ZSWIM5: variants seen among roughly 807,000 people sequenced by gnomAD.
ZSWIM5 encodes zinc finger SWIM domain-containing protein 5.
In ZSWIM5, 55 loss-of-function variants were observed where a neutral mutation model predicts 119.6. That is an observed-to-expected ratio of 0.46 (90% CI 0.37 to 0.58). ZSWIM5 has a LOEUF of 0.58. ZSWIM5 is among the 20% of genes least tolerant of loss of function. The pLI, the probability that ZSWIM5 is intolerant of heterozygous loss-of-function variation, is 0.00. For missense variants in ZSWIM5, 1,193 were observed against 1,512.8 expected (o/e 0.79, Z 3.51); for synonymous variants, 537 against 606.9 (o/e 0.88, Z 1.69).
chr1:45,034,497 C>T lies in ZSWIM5; in HGVS notation c.2292-28G>A, dbSNP rs753693394. Reference sequence around the variant, plus strand: ...GGAAGACCCAGGAAGAATCATCAGCCACCATCCAGACCCTGGGCTTCCGAG... The same window carrying T: ...GGAAGACCCAGGAAGAATCATCAGCTACCATCCAGACCCTGGGCTTCCGAG... On this transcript the variant is annotated intron_variant, in intron 10 of 13. Coordinates refer to ENST00000359600, the MANE Select transcript of ZSWIM5 (RefSeq NM_020883.2). 4 of 1,581,130 alleles carry T rather than the reference C, an allele frequency of 2.5e-6. No homozygotes were observed. In the African/African-American group the frequency reaches 4.0e-5, roughly 16 times the overall value.
At chr1:45,196,727 A>C (rs1646128098) in intron 1 of ZSWIM5, among the ~76,000 whole-genome samples, 1 of 152,104 alleles carries the variant, frequency 6.6e-6, no homozygotes, top group Non-Finnish European at 1.5e-5. Context: ...CAAATTTTTG[A>C]GGTACAATTT....
At chr1:45,199,142 T>C (rs749420631) in intron 1 of ZSWIM5, among the ~76,000 whole-genome samples, 5 of 152,162 alleles carry the variant, frequency 3.3e-5, no homozygotes, top group Non-Finnish European at 5.9e-5. Flanking sequence ...TTTTTTTTCT[T>C]TAACCATTTT....
intron 1 of ZSWIM5, among the ~76,000 whole-genome samples, chr1:45,175,971 T>C (rs977953149): frequency 6.6e-6 from 1 of 151,836 alleles, no homozygotes; most frequent in Non-Finnish European, 1.5e-5. Flanking sequence ...TCAAGGCTCA[T>C]TTGATACTTT....
At chr1:45,092,698 A>T (rs376135323) in intron 1 of ZSWIM5, among the ~76,000 whole-genome samples, 2 of 152,124 alleles carry the variant, frequency 1.3e-5, no homozygotes, top group South Asian at 2.1e-4. Flanking sequence ...TAATTTGTAG[A>T]TGTGGTTAAT....
At chr1:45,133,639 G>C (rs1309007061) in intron 1 of ZSWIM5, among the ~76,000 whole-genome samples, 170 of 151,890 alleles carry the variant, frequency 1.1e-3, no homozygotes, top group African/African-American at 1.3e-3. Flanking sequence ...TCAATTTTGG[G>C]TTTTGTTGCC....
At chr1:45,179,145 T>C (rs1202349653) in intron 1 of ZSWIM5, among the ~76,000 whole-genome samples, 1 of 152,080 alleles carries the variant, frequency 6.6e-6, no homozygotes, top group Admixed American at 6.6e-5. Flanking sequence ...CACATACGTG[T>C]ACCTGTATAT....
intron 4 of ZSWIM5, among the ~76,000 whole-genome samples, chr1:45,052,134 C>T (rs1171498801): frequency 6.6e-6 from 1 of 151,488 alleles, no homozygotes; most frequent in Non-Finnish European, 1.5e-5. Context: ...CCCCCCCTCG[C>T]ACCCCACCCC....
intron 5 of ZSWIM5, among the ~76,000 whole-genome samples, chr1:45,047,017 C>CAAAAA (rs35174853): frequency 1.1e-5 from 1 of 92,796 alleles, no homozygotes. Context: ...AACTCTGTCT[C>CAAAAA]AAAAAAAAAA....
In ZSWIM5 at chr1:45,033,828, A is replaced by G. The variant is rs142398025; in HGVS notation, c.2449+484T>C. On this transcript the variant is annotated intron_variant, in intron 11 of 13. Coordinates refer to ENST00000359600, the MANE Select transcript of ZSWIM5 (RefSeq NM_020883.2). ...AATTTTACATATTTGGTATCCTACA[A>G]TTAGTAACTAGGGTAAAGTTTTGGC... Among the ~76,000 whole-genome samples, 6 of 152,076 alleles carry G rather than the reference A, an allele frequency of 3.9e-5. No homozygotes were observed. The East Asian group carries it at 9.7e-4, about 25-fold the overall frequency.
intron 1 of ZSWIM5, among the ~76,000 whole-genome samples, chr1:45,177,080 G>A (rs1207669282): frequency 6.6e-6 from 1 of 152,076 alleles, no homozygotes; most frequent in Non-Finnish European, 1.5e-5. Flanking sequence ...AAGGATTCAG[G>A]AACTAGAGAG....
intron 1 of ZSWIM5, among the ~76,000 whole-genome samples, chr1:45,091,269 T>G (rs1353153208): frequency 6.6e-6 from 1 of 152,112 alleles, no homozygotes; most frequent in Non-Finnish European, 1.5e-5. Flanking sequence ...AGTACATTGT[T>G]GAGAAATGAC....
intron 4 of ZSWIM5, among the ~76,000 whole-genome samples, chr1:45,054,954 T>C (rs1024451906): frequency 6.6e-6 from 1 of 152,160 alleles, no homozygotes; most frequent in Non-Finnish European, 1.5e-5. Flanking sequence ...GCCTCCTAAG[T>C]AACTGGCATT....
At position 45,018,934 on chromosome 1, in the gene ZSWIM5, A is replaced by T; in HGVS notation, c.3078T>A (p.His1026Gln). The change falls in exon 14 of 14, where the codon CAT (histidine) becomes CAA (glutamine). Residue 1026 changes from histidine to glutamine, a missense_variant. By Grantham distance (24) the His-to-Gln change is conservative (BLOSUM62 0). Coordinates refer to ENST00000359600, the MANE Select transcript of ZSWIM5 (RefSeq NM_020883.2). This position sits in a 1 kb window ranked among gnomAD's most constrained non-coding sequence, Gnocchi z 6.7. Reference sequence around the variant, plus strand: ...TATCCTGGTTGTAGGCCAGGTTAAGATGGCTCATGGCCAATGAGGCCAGCT... The same window carrying T: ...TATCCTGGTTGTAGGCCAGGTTAAGTTGGCTCATGGCCAATGAGGCCAGCT... Reference protein sequence around the residue: ...AFKLASLAMSHLNLAYNQDTH... With the variant: ...AFKLASLAMSQLNLAYNQDTH... The T allele has an allele frequency of 6.2e-7, 1 of 1,614,174 alleles. No homozygotes were observed. The highest frequency in any genetic ancestry group is 1.1e-5 in the South Asian group (1 of 91,088).
chr1:45,102,064 GTATTT>G (rs1428543050), intron 1 of ZSWIM5, among the ~76,000 whole-genome samples: 3 of 151,486 alleles, frequency 2.0e-5, no homozygotes, highest in Non-Finnish European at 4.4e-5. Flanking sequence ...TGTGAACTAT[GTATTT>G]TATATTTCTG....
rs1195290659 is a variant in ZSWIM5, at chr1:45,019,360, G to T, written c.2696-44C>A. ...GCTCAGCCGTGGCCATCTGGGTCCT[G>T]ATTCAGGTCTACCCAGATTACCATT... On this transcript the variant is annotated intron_variant, in intron 13 of 13. Transcript: ENST00000359600. This position sits in a 1 kb window ranked among gnomAD's most constrained non-coding sequence, Gnocchi z 5.0. The T allele has an allele frequency of 1.9e-6, 3 of 1,577,542 alleles. No individual in the cohort carries two copies. The South Asian group carries it at 3.5e-5, about 18-fold the overall frequency.
intron 1 of ZSWIM5, among the ~76,000 whole-genome samples, chr1:45,163,673 C>T (rs1039537426): frequency 8.5e-5 from 13 of 152,090 alleles, no homozygotes; most frequent in Admixed American, 4.6e-4. Context: ...AACTATGTGA[C>T]GCATGCATAA....
intron 2 of ZSWIM5, among the ~76,000 whole-genome samples, chr1:45,080,277 G>A (rs540164198): frequency 1.1e-3 from 163 of 152,312 alleles, no homozygotes; most frequent in African/African-American, 3.7e-3. Flanking sequence ...AGCCCACAGA[G>A]GGGAGGCTTG....
At chr1:45,092,844 C>A (rs977758343) in intron 1 of ZSWIM5, among the ~76,000 whole-genome samples, 1 of 152,248 alleles carries the variant, frequency 6.6e-6, no homozygotes, top group African/African-American at 2.4e-5. Flanking sequence ...CTCAAGTCTG[C>A]AGCACCGGGG....
chr1:45,056,223 G>T (rs991696845), intron 4 of ZSWIM5, among the ~76,000 whole-genome samples: 5 of 152,142 alleles, frequency 3.3e-5, no homozygotes, highest in Non-Finnish European at 5.9e-5. Context: ...TTTCAAAGGG[G>T]AGAAGAGAAA....
Sources: gnomAD v4.1 joint callset for allele counts (sites outside exome capture counted in the v4.1 genomes callset) on GRCh38, gnomAD v4.1.1 for gene constraint, Gnocchi (gnomAD v3.1) non-coding constraint, MANE v1.5 for transcripts, NCBI Gene and HGNC (gene_info 2026-07-23, HGNC 2026-07-21) for gene names.